PTPRD: variants seen among roughly 807,000 people sequenced by gnomAD.
The protein encoded by PTPRD is receptor-type tyrosine-protein phosphatase delta.
In PTPRD, 34 loss-of-function variants were observed where a neutral mutation model predicts 214.5. The observed-to-expected ratio is 0.16, with a 90% confidence interval of 0.12 to 0.21. The LOEUF is 0.21. PTPRD is among the 10% of genes least tolerant of loss of function. The pLI is 1.00. For synonymous variants in PTPRD, 1,128 were observed against 845.7 expected, an observed-to-expected ratio of 1.33 and a Z score of -5.79; for missense variants, 2,545 against 2,398.7, an observed-to-expected ratio of 1.06 and a Z score of -1.27.
chr9:10,324,757 C>T (rs935795332), intron 3 of PTPRD, among the ~76,000 whole-genome samples: 5 of 152,020 alleles, frequency 3.3e-5, no homozygotes, highest in Non-Finnish European at 7.4e-5. Context: ...ATTTTGAAAA[C>T]ATAACCTCTA....
At chr9:10,426,116 T>C (rs1232411741) in intron 2 of PTPRD, among the ~76,000 whole-genome samples, 1 of 152,064 alleles carries the variant, frequency 6.6e-6, no homozygotes, top group African/African-American at 2.4e-5. Context: ...AAGCCAATGC[T>C]TAAGAAATCT....
intron 3 of PTPRD, among the ~76,000 whole-genome samples, chr9:10,270,625 T>A (rs546948282): frequency 3.9e-5 from 6 of 152,294 alleles, no homozygotes; most frequent in African/African-American, 1.4e-4. Flanking sequence ...GGAAAACACT[T>A]CAGGCTCAAT....
chr9:8,880,305 T>C (rs1478643559), intron 11 of PTPRD, among the ~76,000 whole-genome samples: 1 of 152,152 alleles, frequency 6.6e-6, no homozygotes, highest in Admixed American at 6.6e-5. Flanking sequence ...GGATTGTAAA[T>C]CCTCTCTCAA....
chr9:10,369,021 T>C (rs1007025280), intron 2 of PTPRD, among the ~76,000 whole-genome samples: 1 of 152,012 alleles, frequency 6.6e-6, no homozygotes, highest in African/African-American at 2.4e-5. Context: ...TTATGTTTGA[T>C]AAAATTAAGC....
At chr9:10,133,391 G>T (rs1436657661) in intron 3 of PTPRD, among the ~76,000 whole-genome samples, 1 of 152,190 alleles carries the variant, frequency 6.6e-6, no homozygotes, top group African/African-American at 2.4e-5. Context: ...GTTTAACTCT[G>T]CAGGTGACGG....
At chr9:9,242,805 G>T (rs998086912) in intron 9 of PTPRD, among the ~76,000 whole-genome samples, 4 of 152,060 alleles carry the variant, frequency 2.6e-5, no homozygotes, top group African/African-American at 9.7e-5. Flanking sequence ...TTAGCTCTGA[G>T]AATTTTGATC....
chr9:8,840,718 C>A lies in PTPRD; in HGVS notation c.-103-106772G>T, dbSNP rs567235061. Among the ~76,000 whole-genome samples, 3 of 152,272 alleles carry A rather than the reference C, an allele frequency of 2.0e-5. No individual in the cohort carries two copies. In the East Asian group the frequency reaches 5.8e-4, roughly 29 times the overall value. Reference sequence around the variant, plus strand: ...GGCCTACAGTTACATAAATTTCAAACACCACATCTCTCTGAAAAAATATCA... The same window carrying A: ...GGCCTACAGTTACATAAATTTCAAAAACCACATCTCTCTGAAAAAATATCA... On this transcript the variant is annotated intron_variant, in intron 11 of 45. Coordinates refer to ENST00000381196, the MANE Select transcript of PTPRD (RefSeq NM_002839.4).
intron 8 of PTPRD, among the ~76,000 whole-genome samples, chr9:9,422,240 T>C (rs928898563): frequency 2.6e-5 from 4 of 152,130 alleles, no homozygotes; most frequent in African/African-American, 7.2e-5. Flanking sequence ...ACAAAGAGGT[T>C]AAGTAGCTTG....
chr9:10,250,413 A>C (rs1417623594), intron 3 of PTPRD, among the ~76,000 whole-genome samples: 1 of 152,118 alleles, frequency 6.6e-6, no homozygotes, highest in Non-Finnish European at 1.5e-5. Context: ...CTGGAACCAA[A>C]TTTCGCAATG....
At chr9:8,640,891 T>C (rs960306052) in intron 12 of PTPRD, among the ~76,000 whole-genome samples, 1 of 133,278 alleles carries the variant, frequency 7.5e-6, no homozygotes, top group Admixed American at 6.9e-5. Flanking sequence ...GGGTGGTGCA[T>C]ATATAATCAT....
chr9:9,248,093 A>G (rs2099973857), intron 9 of PTPRD, among the ~76,000 whole-genome samples: 1 of 151,570 alleles, frequency 6.6e-6, no homozygotes, highest in Non-Finnish European at 1.5e-5. Flanking sequence ...GTTATCTATT[A>G]TTATTTTTTT....
At chr9:10,218,270 T>G (rs1051365251) in intron 3 of PTPRD, among the ~76,000 whole-genome samples, 2 of 151,782 alleles carry the variant, frequency 1.3e-5, no homozygotes, top group Admixed American at 1.3e-4. Flanking sequence ...AAATGAAAAA[T>G]CCAAACAGTA....
intron 2 of PTPRD, among the ~76,000 whole-genome samples, chr9:10,556,720 A>G (rs780069244): frequency 4.6e-5 from 7 of 152,160 alleles, no homozygotes; most frequent in Non-Finnish European, 1.0e-4. Flanking sequence ...GAACACATTT[A>G]ACAACAGGTG....
chr9:9,901,528 T>TG (rs1601530886), intron 5 of PTPRD, among the ~76,000 whole-genome samples: 1 of 151,984 alleles, frequency 6.6e-6, no homozygotes, highest in African/African-American at 2.4e-5. Context: ...TAACAGTTGC[T>TG]GGGGAAATAT....
intron 9 of PTPRD, among the ~76,000 whole-genome samples, chr9:9,373,030 A>C (rs1020266411): frequency 2.0e-5 from 3 of 152,028 alleles, no homozygotes; most frequent in African/African-American, 7.2e-5. Flanking sequence ...CTCTGCAAAC[A>C]CTCAATGTTA....
At chr9:10,433,231 T>C (rs551750288) in intron 2 of PTPRD, among the ~76,000 whole-genome samples, 46 of 151,984 alleles carry the variant, frequency 3.0e-4, no homozygotes, top group Non-Finnish European at 5.7e-4. Context: ...TTTCTGTAAA[T>C]ATAAGTTTAT....
intron 2 of PTPRD, among the ~76,000 whole-genome samples, chr9:10,502,071 T>C (rs1489771558): frequency 2.6e-5 from 4 of 151,870 alleles, no homozygotes; most frequent in East Asian, 1.9e-4. Context: ...AAGAAAATAG[T>C]GTGCTATTGT....
rs574248271 is a variant in PTPRD, at chr9:9,127,275, T to C, written c.-143+56029A>G. On this transcript the variant is annotated intron_variant, in intron 10 of 45. Transcript: ENST00000381196. ...ACATAGACAGTGACCCAGCTGGGAA[T>C]TGATTGCTTTTCTCATCAATGTTAT... 4.0e-4 allele frequency among the ~76,000 whole-genome samples: 61 copies of C among 152,278 alleles called. No individual in the cohort carries two copies. In the East Asian group the frequency reaches 4.6e-3, roughly 12 times the overall value.
At chr9:9,177,652 CA>C (rs1001542219) in intron 10 of PTPRD, among the ~76,000 whole-genome samples, 6 of 151,358 alleles carry the variant, frequency 4.0e-5, no homozygotes, top group East Asian at 1.9e-4. Flanking sequence ...TTATGGTGAG[CA>C]AAAAAAATTC....
Sources: allele counts gnomAD v4.1 joint callset (sites outside exome capture counted in the v4.1 genomes callset), GRCh38; gene constraint gnomAD v4.1.1; transcripts MANE v1.5; gene names NCBI Gene and HGNC (gene_info 2026-07-23, HGNC 2026-07-21).